Variants in SHROOM4 observed in about 807,000 individuals in gnomAD.
SHROOM4 encodes the protein shroom family member 4.
In SHROOM4, 17 loss-of-function variants were observed where a neutral mutation model predicts 80.3. That is an observed-to-expected ratio of 0.21 (90% CI 0.14 to 0.32). The LOEUF (loss-of-function observed/expected upper bound fraction) is 0.32, where lower values mean the gene tolerates loss of function less well. SHROOM4 is among the 10% of genes least tolerant of loss of function. The probability of loss-of-function intolerance (pLI) is 1.00; values close to 1 mark genes in which losing one functional copy is unlikely to be tolerated. For synonymous variants in SHROOM4, 400 were observed against 437.5 expected (o/e 0.91, Z 1.07); for missense variants, 993 against 1,140.3 (o/e 0.87, Z 1.86).
Position 50,598,352 on chromosome X carries a change from C to T in SHROOM4, c.4126G>A (p.Val1376Ile). 1 of 1,211,209 alleles carries T rather than the reference C, an allele frequency of 8.3e-7. No individual in the cohort carries two copies. ...HLFVGDLDKV[V>I]NLLLSLSGRL... ...CCAGAGAGTGACAGCAACAGGTTGA[C>T]CACTTTGTCCAGGTCCCCAACAAAC... The change falls in exon 8 of 9, where the codon GTC becomes ATC. Residue 1376 changes from valine (V) to isoleucine (I), a missense_variant. Val to Ile is a conservative substitution (Grantham distance 29, BLOSUM62 3). Transcript: ENST00000376020.
intron 8 of SHROOM4, 101 bp downstream of exon 8, chrX:50,598,165 T>C (rs1317818619): frequency 9.3e-7 from 1 of 1,080,949 alleles, no homozygotes; most frequent in Non-Finnish European, 1.3e-6. Flanking sequence ...TTTAATCCCA[T>C]GCTCTACTGT....
At chrX:50,691,013 TTTAAAAATA>T (rs1418888480) in intron 2 of SHROOM4, among the ~76,000 whole-genome samples, 2 of 112,807 alleles carry the variant, frequency 1.8e-5, no homozygotes, top group Admixed American at 9.3e-5. Flanking sequence ...CATATGATCA[TTTAAAAATA>T]TTATCTCAAT....
At chrX:50,744,518 AAC>A (rs1405923769) in intron 1 of SHROOM4, among the ~76,000 whole-genome samples, 1 of 111,805 alleles carries the variant, frequency 8.9e-6, no homozygotes, top group Non-Finnish European at 1.9e-5. Flanking sequence ...TAGTTCATAA[AAC>A]ACAGTTTTCT....
intron 1 of SHROOM4, among the ~76,000 whole-genome samples, chrX:50,807,118 C>T (rs929635998): frequency 8.9e-6 from 1 of 112,235 alleles, no homozygotes; most frequent in Non-Finnish European, 1.9e-5. Flanking sequence ...CCTCAGACCC[C>T]TTACCCTTCA....
chrX:50,650,331 C>G (rs926802436), intron 2 of SHROOM4, among the ~76,000 whole-genome samples: 10 of 111,805 alleles, frequency 8.9e-5, no homozygotes, highest in Non-Finnish European at 1.5e-4. Flanking sequence ...ATACACCACA[C>G]ATGTATTACC....
chrX:50,691,195 T>G (rs782171693), intron 2 of SHROOM4, among the ~76,000 whole-genome samples: 6 of 111,642 alleles, frequency 5.4e-5, no homozygotes, highest in African/African-American at 1.6e-4. Flanking sequence ...ACTTTTTGTA[T>G]AGCTGACAGT....
the SHROOM4 span, among the ~76,000 whole-genome samples, chrX:50,578,918 G>T: frequency 9.0e-6 from 1 of 111,606 alleles, no homozygotes; most frequent in Non-Finnish European, 1.9e-5. Context: ...AGTATACACT[G>T]GTAGTATAGT....
At chrX:50,585,754 G>A (rs1487446970), downstream of SHROOM4, among the ~76,000 whole-genome samples, 1 of 111,619 alleles carries the variant, frequency 9.0e-6, no homozygotes, top group Non-Finnish European at 1.9e-5. Flanking sequence ...AGGTCTAAGG[G>A]TTTTGAGTGC....
intron 5 of SHROOM4, among the ~76,000 whole-genome samples, chrX:50,613,670 A>G (rs1557250281): frequency 8.9e-6 from 1 of 112,138 alleles, no homozygotes; most frequent in Admixed American, 9.5e-5. Context: ...AGATGCACAT[A>G]AATGAAAGGA....
At position 50,594,930 on chromosome X, in the gene SHROOM4, C is replaced by A. The variant is rs1367463647; in HGVS notation, c.*1765G>T. 1 of 112,362 alleles carries A rather than the reference C, an allele frequency of 8.9e-6. No individual in the cohort carries two copies. The highest frequency in any genetic ancestry group is 1.9e-5 in the Non-Finnish European group (1 of 53,197). The allele number at this position is 112,362 out of a possible 1,213,427, so 9.3% of individuals were successfully genotyped here. On this transcript the variant is annotated 3_prime_UTR_variant, in exon 9 of 9. Coordinates refer to ENST00000376020, the MANE Select transcript of SHROOM4 (RefSeq NM_020717.5). ...CCCCTACCCCAGGACACCCTGCTGG[C>A]CAAGATTCTCCCATTGTTTTCAAAT...
At chrX:50,801,248 AGAGAGAGAAAGAG>A (rs1319041610) in intron 1 of SHROOM4, among the ~76,000 whole-genome samples, 1 of 94,554 alleles carries the variant, frequency 1.1e-5, no homozygotes, top group African/African-American at 4.0e-5. Context: ...AGGGAAGGAG[AGAGAGAGAAAGAG>A]GAGAGAGAGA....
At chrX:50,581,260 A>C in the SHROOM4 span, among the ~76,000 whole-genome samples, 1 of 112,523 alleles carries the variant, frequency 8.9e-6, no homozygotes, top group South Asian at 3.7e-4. Context: ...CTAACATTTT[A>C]ATAATAAATT....
At chrX:50,632,040 A>G (rs1557254213) in intron 4 of SHROOM4, among the ~76,000 whole-genome samples, 1 of 111,841 alleles carries the variant, frequency 8.9e-6, no homozygotes, top group South Asian at 3.8e-4. Context: ...GAGCCTTGCT[A>G]TACATTTGTT....
At chrX:50,714,130 A>G (rs1933889130) in intron 1 of SHROOM4, among the ~76,000 whole-genome samples, 1 of 111,396 alleles carries the variant, frequency 9.0e-6, no homozygotes, top group Non-Finnish European at 1.9e-5. Flanking sequence ...GGCTTTATTT[A>G]TTTATTTACA....
At chrX:50,787,769 A>C (rs1210876901) in intron 1 of SHROOM4, among the ~76,000 whole-genome samples, 1 of 12,901 alleles carries the variant, frequency 7.8e-5, no homozygotes. Flanking sequence ...AAAGCGCTAA[A>C]AGAAAAAAAA....
chrX:50,638,365 C>G lies in SHROOM4; in HGVS notation c.270-57G>C, dbSNP rs1931450001. 5 of 1,194,561 alleles carry G rather than the reference C, an allele frequency of 4.2e-6. No individual in the cohort carries two copies. The South Asian group carries it at 9.0e-5, about 21-fold the overall frequency. The stretch of plus-strand genomic sequence containing the variant: ...AAGGAACCAGAGCTGAAATCACTTC[C>G]CAGGCAGCTTCCGCCCCACCCCCTC... On this transcript the variant is annotated intron_variant, in intron 2 of 8. Transcript: ENST00000376020.
At chrX:50,650,353 AAG>A (rs781972169) in intron 2 of SHROOM4, among the ~76,000 whole-genome samples, 2 of 111,768 alleles carry the variant, frequency 1.8e-5, no homozygotes, top group Non-Finnish European at 3.8e-5. Flanking sequence ...TTTAAATAAA[AAG>A]AGGTTTCTTT....
intron 1 of SHROOM4, among the ~76,000 whole-genome samples, chrX:50,754,303 A>G (rs1223051204): frequency 2.7e-5 from 3 of 111,710 alleles, no homozygotes; most frequent in Non-Finnish European, 5.6e-5. Context: ...CCATTTATTC[A>G]TCTATCCAAT....
At chrX:50,704,310 A>G (rs1019714616) in intron 1 of SHROOM4, among the ~76,000 whole-genome samples, 2 of 112,463 alleles carry the variant, frequency 1.8e-5, no homozygotes, top group Admixed American at 1.9e-4. Context: ...ATTCCACCAG[A>G]CTGTTAGAGA....
Sources: gnomAD v4.1 joint callset for allele counts (sites outside exome capture counted in the v4.1 genomes callset) on GRCh38, gnomAD v4.1.1 for gene constraint, MANE v1.5 for transcripts, NCBI Gene and HGNC (gene_info 2026-07-23, HGNC 2026-07-21) for gene names.